The following FRMD4A variants were observed in gnomAD, a reference collection of about 807,000 sequenced individuals.
FRMD4A encodes FERM domain containing 4A.
FRMD4A carries 29 observed loss-of-function variants against 129.1 expected under a neutral mutation model. That is an observed-to-expected ratio of 0.22 (90% CI 0.17 to 0.31). The LOEUF is 0.31. Among genes scored for constraint, FRMD4A ranks in the 10% least tolerant of loss-of-function variants. The pLI is 1.00. For synonymous variants in FRMD4A, 634 were observed against 571.6 expected, an observed-to-expected ratio of 1.11 and a Z score of -1.56; for missense variants, 1,272 against 1,375.8, an observed-to-expected ratio of 0.92 and a Z score of 1.19.
intron 15 of FRMD4A, chr10:13,675,848 C>G (rs185167879): frequency 6.6e-6 from 1 of 151,988 alleles, no homozygotes; most frequent in African/African-American, 2.4e-5. Flanking sequence ...CAGAAATAAC[C>G]ATTGCTATGC....
At chr10:14,210,418 A>T (rs569666709) in intron 2 of FRMD4A, among the ~76,000 whole-genome samples, 2 of 152,178 alleles carry the variant, frequency 1.3e-5, no homozygotes, top group African/African-American at 2.4e-5. Flanking sequence ...GTTTTGTTAC[A>T]GCAGCCCAAA....
At chr10:14,319,523 T>C (rs527464498) in intron 2 of FRMD4A, among the ~76,000 whole-genome samples, 10 of 152,332 alleles carry the variant, frequency 6.6e-5, no homozygotes, top group Admixed American at 5.2e-4. Flanking sequence ...CATCTATTAA[T>C]AGCAAAAATC....
chr10:13,869,428 T>C (rs1465142406), intron 2 of FRMD4A, among the ~76,000 whole-genome samples: 2 of 152,242 alleles, frequency 1.3e-5, no homozygotes, highest in Non-Finnish European at 1.5e-5. Flanking sequence ...GCGTGAATGA[T>C]GGACAGGTGC....
intron 2 of FRMD4A, among the ~76,000 whole-genome samples, chr10:13,881,672 G>A (rs889002166): frequency 1.3e-5 from 2 of 152,074 alleles, no homozygotes; most frequent in African/African-American, 2.4e-5. Flanking sequence ...CAGGGATAAC[G>A]CTGGGTGCTG....
At chr10:14,307,427 G>C (rs1420388990) in intron 2 of FRMD4A, among the ~76,000 whole-genome samples, 1 of 152,204 alleles carries the variant, frequency 6.6e-6, no homozygotes. Context: ...GTTGTCATTA[G>C]TGACATTCAC....
intron 2 of FRMD4A, among the ~76,000 whole-genome samples, chr10:14,035,440 A>G (rs915973998): frequency 1.3e-5 from 2 of 151,954 alleles, no homozygotes; most frequent in East Asian, 1.9e-4. Flanking sequence ...AAAAAAAAAA[A>G]AAGAAGAAAA....
At position 14,223,763 on chromosome 10, in the gene FRMD4A, AAG is replaced by A. The variant is rs796518106; in HGVS notation, c.45+106293_45+106294del. On this transcript the variant is annotated intron_variant, in intron 2 of 24. Coordinates refer to ENST00000357447, the MANE Select transcript of FRMD4A (RefSeq NM_018027.5). ...CTCAAAATGAAAAAAAAAAAAAAAA[AAG>A]AGAGAGAGAGAGAGAGAAAGAGAGA... 4.3e-3 allele frequency among the ~76,000 whole-genome samples: 543 copies of A among 125,146 alleles called. 2 individuals are homozygous for A. The highest frequency in any genetic ancestry group is 0.017 in the Middle Eastern group (4 of 238). 82.1% of individuals were successfully genotyped at this position (125,146 alleles called of 152,430 possible). A position where few individuals can be genotyped will look rare whatever the true frequency, so the allele number is the denominator to read the frequency against.
intron 8 of FRMD4A, among the ~76,000 whole-genome samples, chr10:13,756,489 G>A (rs1050571923): frequency 3.3e-5 from 5 of 152,138 alleles, no homozygotes; most frequent in South Asian, 2.1e-4. Context: ...AGCCTCCCAA[G>A]TAGCTGGGAC....
chr10:13,684,298 G>C (rs1288777159), intron 15 of FRMD4A: 6 of 969,616 alleles, frequency 6.2e-6, no homozygotes, highest in Non-Finnish European at 7.4e-6. Flanking sequence ...CATCCAAGCA[G>C]AGAGAGAGAT....
At chr10:13,861,150 C>G (rs1301246106) in intron 2 of FRMD4A, among the ~76,000 whole-genome samples, 1 of 152,202 alleles carries the variant, frequency 6.6e-6, no homozygotes, top group Non-Finnish European at 1.5e-5. Context: ...TGACCCTCTC[C>G]TCGACCCTGA....
At chr10:13,877,356 G>T (rs185390608) in intron 2 of FRMD4A, among the ~76,000 whole-genome samples, 10 of 152,216 alleles carry the variant, frequency 6.6e-5, no homozygotes, top group Admixed American at 2.6e-4. Flanking sequence ...GTCCTGCCAC[G>T]TTTAGCAGGA....
intron 2 of FRMD4A, among the ~76,000 whole-genome samples, chr10:14,204,345 C>T (rs1396331179): frequency 6.6e-6 from 1 of 152,070 alleles, no homozygotes; most frequent in Non-Finnish European, 1.5e-5. Flanking sequence ...AGGAGAATCA[C>T]TGAGCCCAGG....
intron 2 of FRMD4A, among the ~76,000 whole-genome samples, chr10:13,974,152 T>A (rs2095532461): frequency 6.6e-6 from 1 of 152,040 alleles, no homozygotes; most frequent in African/African-American, 2.4e-5. Context: ...ATTGTTTTAT[T>A]CTACGACGAA....
intron 2 of FRMD4A, among the ~76,000 whole-genome samples, chr10:14,072,637 C>G (rs1835369652): frequency 6.6e-6 from 1 of 152,154 alleles, no homozygotes; most frequent in South Asian, 2.1e-4. Context: ...GAAGCTGCAT[C>G]ACAACCATCT....
At chr10:13,951,276 G>T (rs1190686445) in intron 2 of FRMD4A, among the ~76,000 whole-genome samples, 3 of 152,122 alleles carry the variant, frequency 2.0e-5, no homozygotes, top group South Asian at 2.1e-4. Context: ...TGAGGATGCG[G>T]GGCGCCAGGA....
intron 2 of FRMD4A, among the ~76,000 whole-genome samples, chr10:13,967,658 G>A (rs1379795450): frequency 6.6e-6 from 1 of 152,232 alleles, no homozygotes; most frequent in African/African-American, 2.4e-5. Context: ...GTCTTGTCAA[G>A]TCATTGCCAC....
rs192480069 is a variant in FRMD4A, at chr10:13,925,711, G to A, written c.46-66799C>T. Among the ~76,000 whole-genome samples, 3 of 150,530 alleles carry A rather than the reference G, an allele frequency of 2.0e-5. No individual in the cohort carries two copies. The East Asian group carries it at 5.9e-4, about 30-fold the overall frequency. Reference sequence around the variant, plus strand: ...CAATTCTCCTGCCTCAGCCTCCTCAGGAGCTGGGACTACAGGCACGCACCA... The same window carrying A: ...CAATTCTCCTGCCTCAGCCTCCTCAAGAGCTGGGACTACAGGCACGCACCA... On this transcript the variant is annotated intron_variant, in intron 2 of 24. Coordinates refer to ENST00000357447, the MANE Select transcript of FRMD4A (RefSeq NM_018027.5).
chr10:14,162,503 A>C (rs1263001761), intron 2 of FRMD4A, among the ~76,000 whole-genome samples: 1 of 152,198 alleles, frequency 6.6e-6, no homozygotes, highest in East Asian at 1.9e-4. Flanking sequence ...CAGCACTCTC[A>C]TTGTACAGGA....
chr10:14,199,039 G>A (rs367899383), intron 2 of FRMD4A, among the ~76,000 whole-genome samples: 279 of 151,928 alleles, frequency 1.8e-3, no homozygotes, highest in African/African-American at 6.4e-3. Context: ...ACCTTTCCGT[G>A]TTTTCTCTTA....
Sources: gnomAD v4.1 joint callset for allele counts (sites outside exome capture counted in the v4.1 genomes callset) on GRCh38, gnomAD v4.1.1 for gene constraint, MANE v1.5 for transcripts, NCBI Gene and HGNC (gene_info 2026-07-23, HGNC 2026-07-21) for gene names.